The following FGD5 variants were observed in gnomAD, a reference collection of about 807,000 sequenced individuals.
The protein encoded by FGD5 is FYVE, RhoGEF and PH domain-containing protein 5.
Under a neutral mutation model 133.4 loss-of-function variants are expected in FGD5, and 28 were observed. The ratio of observed to expected loss-of-function variants is 0.21; its 90% confidence interval spans 0.16 to 0.29. The LOEUF is 0.29. Among genes scored for constraint, FGD5 ranks in the 10% least tolerant of loss-of-function variants. FGD5 has a pLI of 1.00. For synonymous variants in FGD5, 810 were observed against 776.5 expected (o/e 1.04, Z -0.72); for missense variants, 1,858 against 1,895.2 (o/e 0.98, Z 0.36).
At chr3:14,875,979 T>G (rs1369179581) in intron 2 of FGD5, among the ~76,000 whole-genome samples, 1 of 151,766 alleles carries the variant, frequency 6.6e-6, no homozygotes, top group Non-Finnish European at 1.5e-5. Flanking sequence ...CAGAGACCAG[T>G]GAAAGAAAGA....
chr3:14,897,807 C>A, intron 5 of FGD5, 132 bp from the exon 6 acceptor site: 1 of 1,456,262 alleles, frequency 6.9e-7, no homozygotes, highest in South Asian at 1.4e-5. Flanking sequence ...GTCATTTGCT[C>A]AAAGTAAAAC....
chr3:14,864,333 C>A, intron 2 of FGD5, 73 bp downstream of exon 2: 4 of 1,605,258 alleles, frequency 2.5e-6, no homozygotes, highest in Non-Finnish European at 3.4e-6. Context: ...CAGATCTGCT[C>A]CTTCCCTTGG....
At chr3:14,862,496 C>T (rs769577071) in intron 1 of FGD5, among the ~76,000 whole-genome samples, 1 of 152,156 alleles carries the variant, frequency 6.6e-6, no homozygotes, top group Non-Finnish European at 1.5e-5. Context: ...AGCACGGTGA[C>T]TTGCAGCGGA....
chr3:14,908,588 A>T (rs939508163), intron 10 of FGD5, among the ~76,000 whole-genome samples: 3 of 152,182 alleles, frequency 2.0e-5, no homozygotes, highest in Non-Finnish European at 4.4e-5. Context: ...TTATATTTTT[A>T]AAAGGGGAAT....
chr3:14,823,106 C>T (rs780943164), intron 1 of FGD5, among the ~76,000 whole-genome samples: 1 of 152,116 alleles, frequency 6.6e-6, no homozygotes, highest in Admixed American at 6.5e-5. Context: ...TGGACTCGTG[C>T]GAGCTGCAAG....
chr3:14,932,818 T>C, intron 19 of FGD5, 87 bp downstream of exon 19: 1 of 1,465,838 alleles, frequency 6.8e-7, no homozygotes, highest in Non-Finnish European at 9.3e-7. Context: ...TCTGTTCTGC[T>C]CCATTCATCC....
intron 1 of FGD5, among the ~76,000 whole-genome samples, chr3:14,822,326 A>G (rs113808224): frequency 2.6e-5 from 4 of 152,146 alleles, no homozygotes; most frequent in African/African-American, 9.7e-5. Flanking sequence ...AATATCTTTC[A>G]CATCAGGAAA....
Position 14,821,225 on chromosome 3 carries a change from C to A in FGD5, c.2154C>A (p.Ser718=). ...SRTGKLRASE[S]PSSLIFYRDG... ...CTGGGAAGCTCCGGGCTTCTGAATC[C>A]CCCTCCTCCCTCATCTTTTATAGAG... The change falls in exon 1 of 20, where the codon TCC becomes TCA. Residue 718 remains serine (S), a synonymous_variant. Coordinates refer to ENST00000285046, the MANE Select transcript of FGD5 (RefSeq NM_152536.4). 1 of 1,613,886 alleles carries A rather than the reference C, an allele frequency of 6.2e-7. No homozygotes were observed. Among genetic ancestry groups the A allele is most frequent in the East Asian group, 2.2e-5 (1 of 44,860 alleles).
chr3:14,819,596 G>A lies in FGD5; in HGVS notation c.525G>A (p.Glu175=). 6.4e-7 allele frequency: 1 copy of A among 1,551,538 alleles called. No individual in the cohort carries two copies. The highest frequency in any genetic ancestry group is 8.7e-7 in the Non-Finnish European group (1 of 1,146,986). The part of the protein sequence containing the change: ...EEEKLVQPHR[E]CSLEDSGPWA... ...AGAAGCTAGTGCAGCCACACAGGGA[G>A]TGCAGCCTGGAGGACAGTGGGCCTT... is the stretch of plus-strand genomic sequence containing the variant. The change falls in exon 1 of 20, where the codon GAG becomes GAA. Residue 175 remains glutamate, a synonymous_variant. Transcript: ENST00000285046. This position sits in a 1 kb window ranked among gnomAD's most constrained non-coding sequence, Gnocchi z 4.1.
At chr3:14,930,201 A>G (rs147329736) in intron 18 of FGD5, among the ~76,000 whole-genome samples, 3 of 152,346 alleles carry the variant, frequency 2.0e-5, no homozygotes, top group Non-Finnish European at 2.9e-5. Flanking sequence ...TTTCATTCAT[A>G]TATTTACCAA....
In FGD5 at chr3:14,820,489, C is replaced by T. The variant is rs763962573; in HGVS notation, c.1418C>T (p.Ala473Val). The T allele has an allele frequency of 4.6e-5, 74 of 1,613,844 alleles. 1 individual carries two copies. The highest frequency in any genetic ancestry group is 1.2e-4 in the Admixed American group (7 of 60,002). The change falls in exon 1 of 20, where the codon GCG becomes GTG. Residue 473 changes from alanine (A) to valine (V), a missense_variant. Ala to Val is a moderately conservative substitution (Grantham distance 64). Around this residue, in one of 3 missense-constraint regions of FGD5, gnomAD observed 1,824 missense variants for 1,848.9 expected, o/e 0.99. Coordinates refer to ENST00000285046, the MANE Select transcript of FGD5 (RefSeq NM_152536.4). ...NCEAEGGLVP[A>V]DRKNTSTRVR... ...GAGGCAGAGGGTGGCCTGGTTCCCG[C>T]GGACAGGAAGAACACCAGCACGAGG...
At chr3:14,876,255 T>C (rs1481064707) in intron 2 of FGD5, among the ~76,000 whole-genome samples, 1 of 152,186 alleles carries the variant, frequency 6.6e-6, no homozygotes. Context: ...AGCTCTTTAC[T>C]GATTATGAAG....
In FGD5 at chr3:14,903,650, AGTTTC is replaced by A. The variant is rs1237444692; in HGVS notation, c.3264+2590_3264+2594del. 2.0e-5 allele frequency among the ~76,000 whole-genome samples: 3 copies of A among 151,882 alleles called. No homozygotes were observed. In the East Asian group the frequency reaches 5.8e-4, roughly 30 times the overall value. On this transcript the variant is annotated intron_variant, in intron 9 of 19. Coordinates refer to ENST00000285046, the MANE Select transcript of FGD5 (RefSeq NM_152536.4). ...TAGTTTACTGAGAATGATGATTTCC[AGTTTC>A]ATCCATGTCCCTACAAAGGACATGA...
At chr3:14,869,690 A>C (rs568353526) in intron 2 of FGD5, among the ~76,000 whole-genome samples, 9 of 152,252 alleles carry the variant, frequency 5.9e-5, no homozygotes, top group East Asian at 3.9e-4. Context: ...GGAATCCTAC[A>C]GTATTTGCTC....
At chr3:14,918,229 TAGAG>T (rs1376885711) in intron 12 of FGD5, among the ~76,000 whole-genome samples, 1 of 152,028 alleles carries the variant, frequency 6.6e-6, no homozygotes, top group African/African-American at 2.4e-5. Context: ...AGGCTGAAGT[TAGAG>T]AGGGCAACAC....
intron 4 of FGD5, among the ~76,000 whole-genome samples, chr3:14,886,419 G>A (rs947052026): frequency 1.3e-5 from 2 of 152,222 alleles, no homozygotes; most frequent in Admixed American, 6.5e-5. Flanking sequence ...TTCCCATGGC[G>A]ATGGCAGGAG....
At chr3:14,810,852 G>A, upstream of FGD5, 2 of 985,110 alleles carry the variant, frequency 2.0e-6, no homozygotes, top group Non-Finnish European at 2.4e-6. Flanking sequence ...GCGCGCTGAA[G>A]ATGAACAGAG....
intron 4 of FGD5, among the ~76,000 whole-genome samples, chr3:14,894,165 A>T (rs865865901): frequency 5.3e-5 from 8 of 152,168 alleles, no homozygotes; most frequent in Middle Eastern, 3.4e-3. Context: ...TCTTCATGAG[A>T]TCCACTTTTT....
intron 10 of FGD5, among the ~76,000 whole-genome samples, chr3:14,908,812 A>G (rs1287371815): frequency 2.0e-5 from 3 of 151,632 alleles, no homozygotes; most frequent in Non-Finnish European, 2.9e-5. Flanking sequence ...CCCAGGAGGC[A>G]GAGGTTGCAG....
Sources: allele counts gnomAD v4.1 joint callset (sites outside exome capture counted in the v4.1 genomes callset), GRCh38; gene constraint gnomAD v4.1.1; regional missense constraint gnomAD v4.1.1; non-coding constraint Gnocchi (gnomAD v3.1); transcripts MANE v1.5; gene names NCBI Gene and HGNC (gene_info 2026-07-23, HGNC 2026-07-21).